The following PLCG2 variants were observed in gnomAD, a reference collection of about 807,000 sequenced individuals.
PLCG2 encodes the protein phospholipase C gamma 2.
A neutral mutation model predicts 175.6 loss-of-function variants in PLCG2; 69 were observed. The ratio of observed to expected loss-of-function variants is 0.39; its 90% confidence interval spans 0.32 to 0.48. The LOEUF (loss-of-function observed/expected upper bound fraction) is 0.48, where lower values mean the gene tolerates loss of function less well. Among genes scored for constraint, PLCG2 ranks in the 20% least tolerant of loss-of-function variants. The probability of loss-of-function intolerance (pLI) is 0.91; values close to 1 mark genes in which losing one functional copy is unlikely to be tolerated. For missense variants in PLCG2, 1,798 were observed against 1,650.9 expected (o/e 1.09, Z -1.54); for synonymous variants, 827 against 624.0 (o/e 1.33, Z -4.85).
chr16:81,881,057 C>T lies in PLCG2; in HGVS notation c.692+104C>T, dbSNP rs76469788. 1.6e-3 allele frequency: 1,923 copies of T among 1,188,016 alleles called. 26 individuals carry two copies. The African/African-American group carries it at 0.025, about 16-fold the overall frequency. 73.6% of individuals were successfully genotyped at this position (1,188,016 alleles called of 1,614,324 possible). A position where few individuals can be genotyped will look rare whatever the true frequency, so the allele number is the denominator to read the frequency against. ...GATGCCTGTGTGTGCAGGCGCTGAC[C>T]TCCAAAGGGGCAGGGGGCCCCTGCT... On this transcript the variant is annotated intron_variant, in intron 8 of 32. Transcript: ENST00000564138.
intron 5 of PLCG2, among the ~76,000 whole-genome samples, chr16:81,865,829 C>T (rs1435096644): frequency 3.0e-4 from 39 of 131,788 alleles, no homozygotes; most frequent in South Asian, 5.1e-4. Flanking sequence ...AGGACGCTGG[C>T]CTCTCCCTTG....
chr16:81,818,241 C>G (rs952886189), intron 2 of PLCG2, among the ~76,000 whole-genome samples: 1 of 152,244 alleles, frequency 6.6e-6, no homozygotes, highest in East Asian at 1.9e-4. Context: ...AAGTCTGTGG[C>G]TCAGTCAGCT....
In PLCG2 at chr16:81,883,276, G is replaced by C; in HGVS notation, c.700G>C (p.Asp234His). Residue 234 changes from aspartate to histidine, a missense_variant, in exon 9 of 33, where the codon GAC (aspartate) becomes CAC (histidine). Physicochemically the swap from Asp to His is moderately conservative, Grantham distance 81 (BLOSUM62 -1). Coordinates refer to ENST00000564138, the MANE Select transcript of PLCG2 (RefSeq NM_002661.5). ...CCCTTTCCCCGAGGATAGGAACACT[G>C]ACAGGCCGGATGCCTCTGCTGTTTA... ...DSSVFILGNTDRPDASAVYLH... is the reference protein window; with the variant it reads ...DSSVFILGNTHRPDASAVYLH... 1 of 1,614,116 alleles carries C rather than the reference G, an allele frequency of 6.2e-7. No homozygotes were observed. The highest frequency in any genetic ancestry group is 8.5e-7 in the Non-Finnish European group (1 of 1,179,966).
chr16:81,750,745 G>A (rs922830121), intron 1 of PLCG2, among the ~76,000 whole-genome samples: 4 of 126,888 alleles, frequency 3.2e-5, no homozygotes, highest in African/African-American at 1.1e-4. Context: ...TCGGCTCACT[G>A]CAAGCTCCGC....
intron 19 of PLCG2, among the ~76,000 whole-genome samples, chr16:81,913,794 C>A (rs1191853011): frequency 6.6e-6 from 1 of 152,192 alleles, no homozygotes; most frequent in Non-Finnish European, 1.5e-5. Context: ...CTGATCCCAT[C>A]CCCTGGTGAC....
Position 81,785,947 on chromosome 16 carries a change from C to T in PLCG2, c.-43C>T. The T allele has an allele frequency of 1.3e-6, 2 of 1,576,884 alleles. No homozygotes were observed. The highest frequency in any genetic ancestry group is 2.3e-5 in the South Asian group (2 of 88,720). On this transcript the variant is annotated 5_prime_UTR_variant, in exon 2 of 33. Transcript: ENST00000564138. ...TCTTTAATTCTGCCCTTTCAGCTTC[C>T]TGATTTCTCCCGATTCCTTCCTTCT...
chr16:81,937,854 C>T lies in PLCG2; in HGVS notation c.3149C>T (p.Pro1050Leu), dbSNP rs372812991. 35 of 1,613,954 alleles carry T rather than the reference C, an allele frequency of 2.2e-5. No homozygotes were observed. Among genetic ancestry groups the T allele is most frequent in the African/African-American group, 2.7e-5 (2 of 74,916 alleles). ...AGCATGAGGACAGAGAAATATGACC[C>T]GATGCCACCCGAGTCCCAGAGGAAG... ...PESMRTEKYDPMPPESQRKIL... is the reference protein window; with the variant it reads ...PESMRTEKYDLMPPESQRKIL... The change falls in exon 28 of 33, where the codon CCG becomes CTG. Residue 1050 changes from proline (P) to leucine (L), a missense_variant. Coordinates refer to ENST00000564138, the MANE Select transcript of PLCG2 (RefSeq NM_002661.5).
intron 2 of PLCG2, among the ~76,000 whole-genome samples, chr16:81,803,558 C>CTTCCTTTCCTTCCTTTCCTTTCCT: frequency 1.5e-5 from 2 of 132,556 alleles, no homozygotes; most frequent in Middle Eastern, 3.8e-3. Context: ...CCTTTCTTTC[C>CTTCCTTTCCTTCCTTTCCTTTCCT]TTCCTTTCCT....
rs1205360232 is a variant in PLCG2 at position 81,877,791 on chromosome 16, GTAGATGTCATTGCATCGCTCCTTGGCT to G, written c.649-3117_649-3091del. Among the ~76,000 whole-genome samples, 578 of 151,696 alleles carry G rather than the reference GTAGATGTCATTGCATCGCTCCTTGGCT, an allele frequency of 3.8e-3. 6 individuals carry two copies. The highest frequency in any genetic ancestry group is 0.014 in the African/African-American group (559 of 41,336). ...ATGTCATTGCATCGCTCCTTGGCTT[GTAGATGTCATTGCATCGCTCCTTGGCT>G]TGTAGATGTCATTGCATCGCTCCTT... On this transcript the variant is annotated intron_variant, in intron 7 of 32. Transcript: ENST00000564138.
intron 7 of PLCG2, among the ~76,000 whole-genome samples, chr16:81,876,012 C>CTTTCTT (rs1907764465): frequency 4.5e-5 from 5 of 110,296 alleles, no homozygotes; most frequent in African/African-American, 1.6e-4. Flanking sequence ...TTTTCTTTTT[C>CTTTCTT]TTTCTTTTTT....
intron 8 of PLCG2, among the ~76,000 whole-genome samples, chr16:81,881,823 T>G (rs1908095264): frequency 6.8e-6 from 1 of 146,286 alleles, no homozygotes; most frequent in Non-Finnish European, 1.5e-5. Flanking sequence ...TTTTTTTTTT[T>G]GTATTTTTGG....
chr16:81,906,291 C>T (rs1461834045), intron 15 of PLCG2: 1 of 152,188 alleles, frequency 6.6e-6, no homozygotes, highest in African/African-American at 2.4e-5. Flanking sequence ...GGTCGTTCCA[C>T]CAGAAACCTT....
chr16:81,939,531 C>A (rs1219215783), intron 29 of PLCG2, among the ~76,000 whole-genome samples: 2 of 152,208 alleles, frequency 1.3e-5, no homozygotes, highest in African/African-American at 4.8e-5. Flanking sequence ...GCTGTAGAAC[C>A]CCCTGCTGGT....
At position 81,958,932 on chromosome 16, in the gene PLCG2, A is replaced by G. The variant is rs564595050; in HGVS notation, c.*934A>G. The G allele has an allele frequency of 4.5e-6, 1 of 222,442 alleles. No individual in the cohort carries two copies. Among genetic ancestry groups the G allele is most frequent in the African/African-American group, 2.2e-5 (1 of 44,800 alleles). The allele number at this position is 222,442 out of a possible 1,614,324, so 13.8% of individuals were successfully genotyped here. On this transcript the variant is annotated 3_prime_UTR_variant, in exon 33 of 33. Coordinates refer to ENST00000564138, the MANE Select transcript of PLCG2 (RefSeq NM_002661.5). The stretch of plus-strand genomic sequence containing the variant: ...CCCAGTCTTCTGGAGCAGCAAGCTG[A>G]GCTTTAATGGGCTAAGCATTAGGGT...
At chr16:81,895,972 A>G (rs747108110) in intron 13 of PLCG2, 45 bp downstream of exon 13, 1 of 1,612,398 alleles carries the variant, frequency 6.2e-7, no homozygotes. Context: ...AGGGGAAGGC[A>G]GCTAGGGTTG....
intron 2 of PLCG2, among the ~76,000 whole-genome samples, chr16:81,826,120 T>A (rs905098564): frequency 6.6e-6 from 1 of 152,164 alleles, no homozygotes; most frequent in Admixed American, 6.6e-5. Flanking sequence ...ATTCCTCCAG[T>A]TTTCCCCATT....
intron 31 of PLCG2, among the ~76,000 whole-genome samples, chr16:81,950,338 C>A (rs1172825831): frequency 6.6e-6 from 1 of 152,084 alleles, no homozygotes; most frequent in African/African-American, 2.4e-5. Context: ...TTAAGACGAA[C>A]AATATGTGAT....
At chr16:81,890,857 T>C (rs1320592121) in intron 10 of PLCG2, among the ~76,000 whole-genome samples, 3 of 152,208 alleles carry the variant, frequency 2.0e-5, no homozygotes, top group African/African-American at 4.8e-5. Flanking sequence ...CATGCTACTA[T>C]TATGCTTTAA....
chr16:81,922,720 GGGA>G (rs1266265810), intron 21 of PLCG2, among the ~76,000 whole-genome samples: 1 of 152,198 alleles, frequency 6.6e-6, no homozygotes, highest in Non-Finnish European at 1.5e-5. Flanking sequence ...TCCTTTGGGT[GGGA>G]GGAGAAGGAA....
Sources: gnomAD v4.1 joint callset for allele counts (sites outside exome capture counted in the v4.1 genomes callset) on GRCh38, gnomAD v4.1.1 for gene constraint, MANE v1.5 for transcripts, NCBI Gene and HGNC (gene_info 2026-07-23, HGNC 2026-07-21) for gene names.